TERT: variants seen among roughly 807,000 people sequenced by gnomAD.
The protein encoded by TERT is telomerase catalytic subunit.
In TERT, 42 loss-of-function variants were observed where a neutral mutation model predicts 104.0. That is an observed-to-expected ratio of 0.40 (90% CI 0.32 to 0.52). The LOEUF (loss-of-function observed/expected upper bound fraction) is 0.52. Among genes scored for constraint, TERT ranks in the 20% least tolerant of loss-of-function variants. TERT has a pLI of 0.43. For synonymous variants in TERT, 781 were observed against 725.6 expected (o/e 1.08, Z -1.23); for missense variants, 1,101 against 1,610.3 (o/e 0.68, Z 5.41).
In TERT at chr5:1,269,041, G is replaced by A. The variant is rs1561195761; in HGVS notation, c.2469-408C>T. 1.3e-5 allele frequency among the ~76,000 whole-genome samples: 2 copies of A among 151,512 alleles called. No homozygotes were observed. The highest frequency in any genetic ancestry group is 6.6e-5 in the Admixed American group (1 of 15,192). On this transcript the variant is annotated intron_variant, in intron 8 of 15. Coordinates refer to ENST00000310581, the MANE Select transcript of TERT (RefSeq NM_198253.3). The surrounding 1 kb of genome is among the most constrained non-coding windows in gnomAD (Gnocchi z 9.0). ...ATGACCCTACATGTAGCCGCTGCGC[G>A]CCAACGGATACAACCTTGCCCCTAG...
At chr5:1,291,570 C>A (rs1461470045) in intron 2 of TERT, among the ~76,000 whole-genome samples, 7 of 127,016 alleles carry the variant, frequency 5.5e-5, no homozygotes, top group Admixed American at 1.6e-4. Context: ...CCGCGCCTCA[C>A]TCACCCTGCA....
chr5:1,256,209 C>T lies in TERT; in HGVS notation c.3033-798G>A, dbSNP rs1561187686. ...TTTTATTTTTCATAGAGATGGGGTT[C>T]TACTATGTTGCTCAGGCTGGTCTTA... On this transcript the variant is annotated intron_variant, in intron 13 of 15. Coordinates refer to ENST00000310581, the MANE Select transcript of TERT (RefSeq NM_198253.3). This position sits in a 1 kb window ranked among gnomAD's most constrained non-coding sequence, Gnocchi z 7.0. Among the ~76,000 whole-genome samples, 1 of 151,872 alleles carries T rather than the reference C, an allele frequency of 6.6e-6. No individual in the cohort carries two copies. The highest frequency in any genetic ancestry group is 1.5e-5 in the Non-Finnish European group (1 of 67,962).
chr5:1,282,560 G>C lies in TERT; in HGVS notation c.1638C>G (p.His546Gln). The change falls in exon 3 of 16, where the codon CAC (histidine) becomes CAG (glutamine). Residue 546 changes from histidine (H) to glutamine (Q), a missense_variant. Transcript: ENST00000310581. ...CGACGACGTACACACTCATCAGCCA[G>C]TGCAGGAACTTGGCCAGGATCTCCT... is the stretch of plus-strand genomic sequence containing the variant. ...LREEILAKFLHWLMSVYVVEL... is the reference protein window; with the variant it reads ...LREEILAKFLQWLMSVYVVEL... 1 of 1,614,144 alleles carries C rather than the reference G, an allele frequency of 6.2e-7. No individual in the cohort carries two copies. The highest frequency in any genetic ancestry group is 1.1e-5 in the South Asian group (1 of 91,090).
In TERT at chr5:1,288,154, C is replaced by T. The variant is rs140877877; in HGVS notation, c.1573+5159G>A. On this transcript the variant is annotated intron_variant, in intron 2 of 15. Coordinates refer to ENST00000310581, the MANE Select transcript of TERT (RefSeq NM_198253.3). This position sits in a 1 kb window ranked among gnomAD's most constrained non-coding sequence, Gnocchi z 5.3. The stretch of plus-strand genomic sequence containing the variant: ...ATTTCACGTCAAAACACAGCGTGCA[C>T]AAAGAAAAAAATCACAGAATAAGAA... Among the ~76,000 whole-genome samples, 1 of 151,876 alleles carries T rather than the reference C, an allele frequency of 6.6e-6. No individual in the cohort carries two copies. The highest frequency in any genetic ancestry group is 1.9e-4 in the East Asian group (1 of 5,172).
In TERT at chr5:1,286,911, A is replaced by G. The variant is rs1579586993; in HGVS notation, c.1574-4287T>C. On this transcript the variant is annotated intron_variant, in intron 2 of 15. Transcript: ENST00000310581. The surrounding 1 kb of genome is among the most constrained non-coding windows in gnomAD (Gnocchi z 5.3). Reference sequence around the variant, plus strand: ...AGCAAACAACGACAATAAAAAGATCAGGGGGTAACACTAAGCAAAGAGAAA... The same window carrying G: ...AGCAAACAACGACAATAAAAAGATCGGGGGGTAACACTAAGCAAAGAGAAA... Among the ~76,000 whole-genome samples, 1 of 152,224 alleles carries G rather than the reference A, an allele frequency of 6.6e-6. No homozygotes were observed. Among genetic ancestry groups the G allele is most frequent in the Middle Eastern group, 3.4e-3 (1 of 294 alleles).
chr5:1,291,477 G>C (rs111793040), intron 2 of TERT, among the ~76,000 whole-genome samples: 14 of 4,012 alleles, frequency 3.5e-3, no homozygotes, highest in South Asian at 0.019. Flanking sequence ...ACCCGGGGAC[G>C]GCGCCTCACT....
At chr5:1,264,072 G>C (rs1022265719) in intron 11 of TERT, among the ~76,000 whole-genome samples, 11 of 152,092 alleles carry the variant, frequency 7.2e-5, no homozygotes, top group Non-Finnish European at 1.2e-4. Context: ...CCTGTGTTTC[G>C]GGTTTGGAGA....
intron 9 of TERT, among the ~76,000 whole-genome samples, chr5:1,267,279 G>T (rs946637990): frequency 6.6e-6 from 1 of 152,218 alleles, no homozygotes; most frequent in Non-Finnish European, 1.5e-5. Context: ...CAGGCTTCCT[G>T]ACGCATCCTT....
At chr5:1,279,258 G>C in intron 5 of TERT, 33 bp downstream of exon 5, 2 of 1,553,164 alleles carry the variant, frequency 1.3e-6, no homozygotes, top group Non-Finnish European at 1.7e-6. Flanking sequence ...CCAAGGTCCA[G>C]CAGGGCTGCT....
At position 1,287,580 on chromosome 5, in the gene TERT, A is replaced by C. The variant is rs1019642109; in HGVS notation, c.1574-4956T>G. On this transcript the variant is annotated intron_variant, in intron 2 of 15. Coordinates refer to ENST00000310581, the MANE Select transcript of TERT (RefSeq NM_198253.3). This position sits in a 1 kb window ranked among gnomAD's most constrained non-coding sequence, Gnocchi z 4.3. ...GGAAAATACTAATCAAAAGAAGCCC[A>C]GTGTGGCAGTACTAAGAGCAATTTA... is the stretch of plus-strand genomic sequence containing the variant. Among the ~76,000 whole-genome samples the C allele has an allele frequency of 6.6e-6, 1 of 151,810 alleles. No homozygotes were observed. The highest frequency in any genetic ancestry group is 2.4e-5 in the African/African-American group (1 of 41,346).
chr5:1,272,597 TCCACA>T (rs1749150863), intron 6 of TERT, among the ~76,000 whole-genome samples: 5 of 28,542 alleles, frequency 1.8e-4, no homozygotes, highest in African/African-American at 2.9e-4. Context: ...ACGACCGCCA[TCCACA>T]GTCACCACAT....
chr5:1,281,158 A>C (rs1749997455), intron 3 of TERT, among the ~76,000 whole-genome samples: 1 of 152,236 alleles, frequency 6.6e-6, no homozygotes, highest in Non-Finnish European at 1.5e-5. Flanking sequence ...AATTCTTTCC[A>C]AAATACTGGT....
rs200350772 is a variant in TERT, at chr5:1,268,491, A to G, written c.2582+29T>C. On this transcript the variant is annotated intron_variant, in intron 9 of 15. Coordinates refer to ENST00000310581, the MANE Select transcript of TERT (RefSeq NM_198253.3). This position sits in a 1 kb window ranked among gnomAD's most constrained non-coding sequence, Gnocchi z 5.5. ...ATCAAAAGCAAATCAACCCCCACCC[A>G]AGCCCCCCTGGGGAAGAGGAGGCCT... The G allele has an allele frequency of 3.9e-5, 61 of 1,579,026 alleles. No homozygotes were observed. The highest frequency in any genetic ancestry group is 5.2e-5 in the Non-Finnish European group (60 of 1,149,500).
rs1554038790 is a variant in TERT, at chr5:1,260,394, A to ATG, written c.2970+79_2970+80insCA. 2.2e-4 allele frequency: 343 copies of ATG among 1,594,572 alleles called. No homozygotes were observed. The African/African-American group carries it at 2.4e-3, about 11-fold the overall frequency. On this transcript the variant is annotated intron_variant, in intron 12 of 15. Transcript: ENST00000310581. Reference sequence around the variant, plus strand: ...GCCAGTCACCATCAGCCTTGCAGGCACGCGCGCACACACACACACACATAC... The same window carrying ATG: ...GCCAGTCACCATCAGCCTTGCAGGCATGCGCGCGCACACACACACACACATAC...
At chr5:1,291,516 GACAGT>G (rs1750957435) in intron 2 of TERT, among the ~76,000 whole-genome samples, 1 of 108,508 alleles carries the variant, frequency 9.2e-6, no homozygotes, top group Non-Finnish European at 1.9e-5. Flanking sequence ...GACACCCGGG[GACAGT>G]GCCTCACTCA....
At chr5:1,272,408 C>G in intron 6 of TERT, 128 bp from the exon 7 acceptor site, 1 of 889,592 alleles carries the variant, frequency 1.1e-6, no homozygotes, top group South Asian at 1.4e-5. Flanking sequence ...GCCCAGAGAG[C>G]GCCTGGGAAG....
At chr5:1,275,102 C>T (rs1387360948) in intron 6 of TERT, among the ~76,000 whole-genome samples, 4 of 152,166 alleles carry the variant, frequency 2.6e-5, no homozygotes, top group Admixed American at 2.6e-4. Context: ...CGGCCGGGCG[C>T]GGCGGTTCAC....
At position 1,258,765 on chromosome 5, in the gene TERT, T is replaced by C. The variant is rs1174422406; in HGVS notation, c.2971-106A>G. 5 of 1,011,174 alleles carry C rather than the reference T, an allele frequency of 4.9e-6. No homozygotes were observed. The Admixed American group carries it at 6.0e-5, about 12-fold the overall frequency. 62.6% of individuals were successfully genotyped at this position (1,011,174 alleles called of 1,614,324 possible). On this transcript the variant is annotated intron_variant, in intron 12 of 15. Coordinates refer to ENST00000310581, the MANE Select transcript of TERT (RefSeq NM_198253.3). Reference sequence around the variant, plus strand: ...TCAGATGGAACAAGAAAGAGGAACATTTTGACAAGAAACTATCCCTCTTCC... The same window carrying C: ...TCAGATGGAACAAGAAAGAGGAACACTTTGACAAGAAACTATCCCTCTTCC...
In TERT at chr5:1,294,267, C is replaced by T. The variant is rs943176303; in HGVS notation, c.619G>A (p.Val207Ile). 6 of 1,593,006 alleles carry T rather than the reference C, an allele frequency of 3.8e-6. No individual in the cohort carries two copies. The African/African-American group carries it at 8.0e-5, about 21-fold the overall frequency. The change falls in exon 2 of 16, where the codon GTC becomes ATC. Residue 207 changes from valine (V) to isoleucine (I), a missense_variant. Around this residue, in one of 5 missense-constraint regions of TERT, gnomAD observed 504 missense variants for 544.6 expected, o/e 0.93. Transcript: ENST00000310581. Reference protein sequence around the residue: ...LGCERAWNHSVREAGVPLGLP... With the variant: ...LGCERAWNHSIREAGVPLGLP... ...CCCAGGGGGACCCCGGCCTCCCTGA[C>T]GCTATGGTTCCAGGCCCGTTCGCAT...
Sources: allele counts gnomAD v4.1 joint callset (sites outside exome capture counted in the v4.1 genomes callset), GRCh38; gene constraint gnomAD v4.1.1; regional missense constraint gnomAD v4.1.1; non-coding constraint Gnocchi (gnomAD v3.1); transcripts MANE v1.5; gene names NCBI Gene and HGNC (gene_info 2026-07-23, HGNC 2026-07-21).